Variants in PNPO observed in about 807,000 individuals in gnomAD.
PNPO encodes pyridoxine-5'-phosphate oxidase.
In PNPO, 39 loss-of-function variants were observed where a neutral mutation model predicts 35.0. The observed-to-expected ratio is 1.11, with a 90% CI of 0.86 to 1.45. PNPO has a LOEUF of 1.45. PNPO is among the 40% of genes most tolerant of loss of function. PNPO has a pLI of 0.00. For missense variants in PNPO, 288 were observed against 340.0 expected, an observed-to-expected ratio of 0.85 and a Z score of 1.20; for synonymous variants, 115 against 119.8, an observed-to-expected ratio of 0.96 and a Z score of 0.26.
intron 1 of PNPO, among the ~76,000 whole-genome samples, chr17:47,942,940 AT>A (rs1198044709): frequency 6.6e-6 from 1 of 152,180 alleles, no homozygotes; most frequent in African/African-American, 2.4e-5. Context: ...AAATAAATAA[AT>A]AAATAAAAAT....
chr17:47,942,747 G>A (rs1015788507), intron 1 of PNPO, among the ~76,000 whole-genome samples: 4 of 152,176 alleles, frequency 2.6e-5, no homozygotes, highest in Admixed American at 1.3e-4. Context: ...GGGCAACATA[G>A]TGAGACCCTG....
chr17:47,942,110 A>G, intron 1 of PNPO: 1 of 1,012,616 alleles, frequency 9.9e-7, no homozygotes, highest in Non-Finnish European at 1.3e-6. Context: ...TCTGGGCCTC[A>G]GTTTCCTCAT....
In PNPO at chr17:47,947,068, G is replaced by T. The variant is rs910954567; in HGVS notation, c.*286G>T. 4.4e-5 allele frequency: 18 copies of T among 407,556 alleles called. No homozygotes were observed. The highest frequency in any genetic ancestry group is 3.4e-4 in the African/African-American group (17 of 49,292). 25.2% of individuals were successfully genotyped at this position (407,556 alleles called of 1,614,324 possible). On this transcript the variant is annotated 3_prime_UTR_variant, in exon 7 of 7. Transcript: ENST00000642017. ...ATTAGGATAGCTCCCTCTAGGGGTA[G>T]CAGCCGGTGTGACTCCCTTTCTGGT...
rs73323335 is a variant in PNPO, at chr17:47,942,782, C to T, written c.139-524C>T. Among the ~76,000 whole-genome samples the T allele has an allele frequency of 4.4e-3, 675 of 152,130 alleles. 8 individuals are homozygous for T. Among genetic ancestry groups the T allele is most frequent in the African/African-American group, 0.016 (647 of 41,494 alleles). The stretch of plus-strand genomic sequence containing the variant: ...GTCTCTACAAAAAATTAAAATTAGT[C>T]GAGCATGTTGGAGCGTGCCTGTAAT... On this transcript the variant is annotated intron_variant, in intron 1 of 6. Coordinates refer to ENST00000642017, the MANE Select transcript of PNPO (RefSeq NM_018129.4).
chr17:47,948,154 G>C lies in PNPO; in HGVS notation c.*1372G>C, dbSNP rs1221379714. 2.0e-5 allele frequency: 3 copies of C among 152,166 alleles called. No individual in the cohort carries two copies. Among genetic ancestry groups the C allele is most frequent in the Non-Finnish European group, 4.4e-5 (3 of 68,040 alleles). 9.4% of individuals were successfully genotyped at this position (152,166 alleles called of 1,614,324 possible). On this transcript the variant is annotated 3_prime_UTR_variant, in exon 7 of 7. Transcript: ENST00000642017. ...CAGGAATTTTGTAGAAGGGCTTCAT[G>C]TGCTGGTACCAATAGGACAGGAAGA...
chr17:47,944,585 C>T, intron 2 of PNPO, 31 bp from the exon 3 acceptor site: 1 of 1,537,696 alleles, frequency 6.5e-7, no homozygotes, highest in Non-Finnish European at 9.0e-7. Context: ...GAAGCAGACT[C>T]TGACCACAGT....
rs2036045196 is a variant in PNPO at position 47,949,261 on chromosome 17, C to T, written c.*2479C>T. 6.6e-6 allele frequency: 1 copy of T among 152,342 alleles called. No individual in the cohort carries two copies. Among genetic ancestry groups the T allele is most frequent in the Admixed American group, 6.5e-5 (1 of 15,282 alleles). 9.4% of individuals were successfully genotyped at this position (152,342 alleles called of 1,614,324 possible). A position where few individuals can be genotyped will look rare whatever the true frequency, so the allele number is the denominator to read the frequency against. On this transcript the variant is annotated 3_prime_UTR_variant, in exon 7 of 7. Coordinates refer to ENST00000642017, the MANE Select transcript of PNPO (RefSeq NM_018129.4). ...GTTCCTTTTCCGTTCTCTGTCCAGCCGTTACCGCCCCCAGTCTGTAATAAA... is the reference window on the plus strand; with the variant it reads ...GTTCCTTTTCCGTTCTCTGTCCAGCTGTTACCGCCCCCAGTCTGTAATAAA...
At position 47,948,556 on chromosome 17, in the gene PNPO, AC is replaced by A. The variant is rs1361817546; in HGVS notation, c.*1775del. 2.0e-5 allele frequency: 3 copies of A among 152,246 alleles called. No individual in the cohort carries two copies. The highest frequency in any genetic ancestry group is 4.4e-5 in the Non-Finnish European group (3 of 68,060). The allele number at this position is 152,246 out of a possible 1,614,324, so 9.4% of individuals were successfully genotyped here. A position where few individuals can be genotyped will look rare whatever the true frequency, so the allele number is the denominator to read the frequency against. Reference sequence around the variant, plus strand: ...ACCTCCTAGTCTAGAGCTTTGCTATACACAGGGTGGTCCACAAGCCAGGAGC... The same window carrying A: ...ACCTCCTAGTCTAGAGCTTTGCTATAACAGGGTGGTCCACAAGCCAGGAGC... On this transcript the variant is annotated 3_prime_UTR_variant, in exon 7 of 7. Transcript: ENST00000642017.
Position 47,945,671 on chromosome 17 carries a change from T to C in PNPO, c.417+59T>C, listed in dbSNP as rs986286383. 1 of 1,497,304 alleles carries C rather than the reference T, an allele frequency of 6.7e-7. No individual in the cohort carries two copies. The highest frequency in any genetic ancestry group is 9.3e-7 in the Non-Finnish European group (1 of 1,073,492). 92.8% of individuals were successfully genotyped at this position (1,497,304 alleles called of 1,614,324 possible). Reference sequence around the variant, plus strand: ...GCTGGGTTGGCAGGGCCTGAGTTTATGGCTACGTCTAGCGAAGGTCCCCAG... The same window carrying C: ...GCTGGGTTGGCAGGGCCTGAGTTTACGGCTACGTCTAGCGAAGGTCCCCAG... On this transcript the variant is annotated intron_variant, in intron 4 of 6. Transcript: ENST00000642017. The surrounding 1 kb of genome is among the most constrained non-coding windows in gnomAD (Gnocchi z 4.0).
chr17:47,943,459 G>A (rs201890468), intron 2 of PNPO, 29 bp downstream of exon 2: 2 of 1,611,740 alleles, frequency 1.2e-6, no homozygotes, highest in South Asian at 1.1e-5. Flanking sequence ...CCCTCTTTGG[G>A]TGGATACATA....
In PNPO at chr17:47,945,762, G is replaced by C; in HGVS notation, c.418-99G>C. 6.6e-7 allele frequency: 1 copy of C among 1,523,418 alleles called. No individual in the cohort carries two copies. The highest frequency in any genetic ancestry group is 9.0e-7 in the Non-Finnish European group (1 of 1,108,284). The allele number at this position is 1,523,418 out of a possible 1,614,324, so 94.4% of individuals were successfully genotyped here. ...AGCCCTCAGTTAGTTGGAGCCAAGAGTGGTGGGGCAGCCGATCGAACAGAG... is the reference window on the plus strand; with the variant it reads ...AGCCCTCAGTTAGTTGGAGCCAAGACTGGTGGGGCAGCCGATCGAACAGAG... On this transcript the variant is annotated intron_variant, in intron 4 of 6. Coordinates refer to ENST00000642017, the MANE Select transcript of PNPO (RefSeq NM_018129.4). This position sits in a 1 kb window ranked among gnomAD's most constrained non-coding sequence, Gnocchi z 4.0.
rs2036019017 is a variant in PNPO at position 47,946,915 on chromosome 17, C to A, written c.*133C>A. The A allele has an allele frequency of 1.3e-6, 1 of 766,232 alleles. No homozygotes were observed. Among genetic ancestry groups the A allele is most frequent in the Non-Finnish European group, 2.2e-6 (1 of 458,272 alleles). The allele number at this position is 766,232 out of a possible 1,614,324, so 47.5% of individuals were successfully genotyped here. On this transcript the variant is annotated 3_prime_UTR_variant, in exon 7 of 7. Transcript: ENST00000642017. ...CCCTTATCTTCAGGACTCTTCAGAG[C>A]TAATCCTCTAAGTTCTCTGTACTCA... is the stretch of plus-strand genomic sequence containing the variant.
At position 47,943,544 on chromosome 17, in the gene PNPO, T is replaced by C. The variant is rs1035119544; in HGVS notation, c.263+114T>C. On this transcript the variant is annotated intron_variant, in intron 2 of 6. Transcript: ENST00000642017. ...TTCCAGCTCTGTTATTAACATGCTC[T>C]GTGGCTTTAGGCAAGATACTTGTCC... The C allele has an allele frequency of 1.4e-4, 188 of 1,334,048 alleles. 1 individual carries two copies. The South Asian group carries it at 2.2e-3, about 16-fold the overall frequency. 82.6% of individuals were successfully genotyped at this position (1,334,048 alleles called of 1,614,324 possible).
Position 47,945,241 on chromosome 17 carries a change from C to T in PNPO, c.364-318C>T, listed in dbSNP as rs1311578871. On this transcript the variant is annotated intron_variant, in intron 3 of 6. Transcript: ENST00000642017. The surrounding 1 kb of genome is among the most constrained non-coding windows in gnomAD (Gnocchi z 4.0). ...AATGAATGAATCCAAAATGAGTAAA[C>T]CTCCCTGAGTCCATGCCAGCCAAGC... 4.7e-6 allele frequency: 2 copies of T among 421,622 alleles called. No homozygotes were observed. The highest frequency in any genetic ancestry group is 1.1e-4 in the East Asian group (2 of 18,754). 26.1% of individuals were successfully genotyped at this position (421,622 alleles called of 1,614,324 possible).
Position 47,941,750 on chromosome 17 carries a change from G to A in PNPO, c.75G>A (p.Leu25=). 1 of 1,559,354 alleles carries A rather than the reference G, an allele frequency of 6.4e-7. No individual in the cohort carries two copies. The highest frequency in any genetic ancestry group is 8.7e-7 in the Non-Finnish European group (1 of 1,151,596). The part of the protein sequence containing the change: ...PAEWPGYLSH[L]CGRSAAMDLG... ...AGTGGCCAGGCTACCTCAGTCACCT[G>A]TGTGGTCGCAGTGCTGCCATGGACC... is the stretch of plus-strand genomic sequence containing the variant. The change falls in exon 1 of 7, where the codon CTG becomes CTA. Residue 25 remains leucine (L), a synonymous_variant. Coordinates refer to ENST00000642017, the MANE Select transcript of PNPO (RefSeq NM_018129.4).
intron 2 of PNPO, among the ~76,000 whole-genome samples, chr17:47,944,133 T>C (rs1165768536): frequency 6.6e-6 from 1 of 151,972 alleles, no homozygotes; most frequent in Non-Finnish European, 1.5e-5. Flanking sequence ...TCAGGGGTGG[T>C]TTCTGATGAG....
intron 2 of PNPO, 112 bp from the exon 3 acceptor site, chr17:47,944,504 C>T: frequency 1.2e-6 from 1 of 854,790 alleles, no homozygotes; most frequent in Admixed American, 1.7e-5. Context: ...GCCTGACAGC[C>T]CAATAAAGGG....
Position 47,941,664 on chromosome 17 carries a change from C to T in PNPO, c.-12C>T, listed in dbSNP as rs774740617. On this transcript the variant is annotated 5_prime_UTR_variant, in exon 1 of 7. Coordinates refer to ENST00000642017, the MANE Select transcript of PNPO (RefSeq NM_018129.4). Reference sequence around the variant, plus strand: ...CCGGGCCACAGCCGGGTCACGTGGCCGGCGGCCCCCCATGACGTGCTGGCT... The same window carrying T: ...CCGGGCCACAGCCGGGTCACGTGGCTGGCGGCCCCCCATGACGTGCTGGCT... 3.9e-6 allele frequency: 6 copies of T among 1,524,258 alleles called. No individual in the cohort carries two copies. In the South Asian group the frequency reaches 7.2e-5, roughly 18 times the overall value. The allele number at this position is 1,524,258 out of a possible 1,614,324, so 94.4% of individuals were successfully genotyped here.
At chr17:47,944,489 G>A in intron 2 of PNPO, 127 bp from the exon 3 acceptor site, 2 of 797,376 alleles carry the variant, frequency 2.5e-6, no homozygotes, top group South Asian at 2.7e-5. Context: ...ACATGGGACG[G>A]GGTAGCCTGA....
Sources: gnomAD v4.1 joint callset for allele counts (sites outside exome capture counted in the v4.1 genomes callset) on GRCh38, gnomAD v4.1.1 for gene constraint, Gnocchi (gnomAD v3.1) non-coding constraint, MANE v1.5 for transcripts, NCBI Gene and HGNC (gene_info 2026-07-23, HGNC 2026-07-21) for gene names.